DOCK6: variants seen among roughly 807,000 people sequenced by gnomAD.
DOCK6 encodes the protein dedicator of cytokinesis 6.
Under a neutral mutation model 230.3 loss-of-function variants are expected in DOCK6, and 167 were observed. The observed-to-expected ratio is 0.73, with a 90% CI of 0.64 to 0.82. The LOEUF (loss-of-function observed/expected upper bound fraction) is 0.82. Ranked by LOEUF, DOCK6 falls within the 40% of genes least tolerant of loss-of-function variation. The pLI, the probability that DOCK6 is intolerant of heterozygous loss-of-function variation, is 0.00. For synonymous variants in DOCK6, 1,148 were observed against 1,185.0 expected, an observed-to-expected ratio of 0.97 and a Z score of 0.64; for missense variants, 2,598 against 2,825.8, an observed-to-expected ratio of 0.92 and a Z score of 1.83.
chr19:11,212,053 T>C lies in DOCK6; in HGVS notation c.4590A>G (p.Lys1530=). The change falls in exon 36 of 48, where the codon AAA becomes AAG. Residue 1530 remains lysine (K), a synonymous_variant. Transcript: ENST00000294618. ...CCTCCTCAGCATAGGTGAGGATGGTTTTGAGTGAACGTCGCAGGTGCTCTT... is the reference window on the plus strand; with the variant it reads ...CCTCCTCAGCATAGGTGAGGATGGTCTTGAGTGAACGTCGCAGGTGCTCTT... The part of the protein sequence containing the change: ...FSEEHLRRSL[K]TILTYAEEDM... 1.2e-6 allele frequency: 2 copies of C among 1,611,006 alleles called. No homozygotes were observed. Among genetic ancestry groups the C allele is most frequent in the Non-Finnish European group, 1.7e-6 (2 of 1,179,032 alleles).
chr19:11,206,069 TA>T (rs2079255389), intron 39 of DOCK6: 1 of 152,144 alleles, frequency 6.6e-6, no homozygotes, highest in Admixed American at 6.5e-5. Context: ...CTCTCAAATG[TA>T]ACTGCCAGTT....
chr19:11,236,939 C>A lies in DOCK6; in HGVS notation c.2074-60G>T. 1 of 1,498,864 alleles carries A rather than the reference C, an allele frequency of 6.7e-7. No homozygotes were observed. 92.8% of individuals were successfully genotyped at this position (1,498,864 alleles called of 1,614,324 possible). ...GCCCTCCCTGACTGATCAGGTCACC[C>A]AGCGGCCCCAGCCATTGCGACACTG... is the stretch of plus-strand genomic sequence containing the variant. On this transcript the variant is annotated intron_variant, in intron 18 of 47. Transcript: ENST00000294618. The surrounding 1 kb of genome is among the most constrained non-coding windows in gnomAD (Gnocchi z 5.2).
chr19:11,248,246 G>T, intron 6 of DOCK6, 95 bp from the exon 7 acceptor site: 2 of 918,986 alleles, frequency 2.2e-6, no homozygotes, highest in East Asian at 2.7e-5. Flanking sequence ...CTCTACCCCA[G>T]CCTGACTAAC....
rs763073235 is a variant in DOCK6, at chr19:11,213,317, C to G, written c.4350G>C (p.Leu1450=). 1.8e-5 allele frequency: 29 copies of G among 1,611,302 alleles called. No individual in the cohort carries two copies. Among genetic ancestry groups the G allele is most frequent in the Middle Eastern group, 1.9e-4 (1 of 5,222 alleles). Reference sequence around the variant, plus strand: ...ACAGCTCCGTGTCCTCCTCGAACAGCAGCTCCGGGAACTGCCCCCAAGGAC... The same window carrying G: ...ACAGCTCCGTGTCCTCCTCGAACAGGAGCTCCGGGAACTGCCCCCAAGGAC... ...QRALVSKFPE[L]LFEEDTELCA... The change falls in exon 35 of 48, where the codon CTG becomes CTC. Residue 1450 remains leucine (L), a synonymous_variant. Coordinates refer to ENST00000294618, the MANE Select transcript of DOCK6 (RefSeq NM_020812.4).
At chr19:11,261,381 C>A (rs368671913) in intron 1 of DOCK6, among the ~76,000 whole-genome samples, 22 of 142,288 alleles carry the variant, frequency 1.5e-4, no homozygotes, top group East Asian at 1.4e-3. Flanking sequence ...CTTGTCCCTA[C>A]AGCACTTGTC....
chr19:11,237,033 T>A (rs1163245965), intron 18 of DOCK6, 154 bp from the exon 19 acceptor site: 2 of 713,554 alleles, frequency 2.8e-6, no homozygotes, highest in Non-Finnish European at 4.5e-6. Context: ...CCCAGTAGAC[T>A]GAGAGGGTCC....
chr19:11,207,296 T>A (rs1600852713), intron 39 of DOCK6, among the ~76,000 whole-genome samples: 1 of 152,054 alleles, frequency 6.6e-6, no homozygotes, highest in African/African-American at 2.4e-5. Flanking sequence ...TGGGCTCCAG[T>A]GATCCTCCCG....
chr19:11,260,882 C>CAAAAAAAAAAAA (rs59900669), intron 1 of DOCK6, among the ~76,000 whole-genome samples: 29,731 of 60,354 alleles, frequency 0.49, 8,793 homozygotes, highest in Non-Finnish European at 0.61. Context: ...GACTCTGTCT[C>CAAAAAAAAAAAA]AAAAAAAAAA....
In DOCK6 at chr19:11,202,846, G is replaced by T; in HGVS notation, c.5236-137C>A. On this transcript the variant is annotated intron_variant, in intron 41 of 47. Coordinates refer to ENST00000294618, the MANE Select transcript of DOCK6 (RefSeq NM_020812.4). The surrounding 1 kb of genome is among the most constrained non-coding windows in gnomAD (Gnocchi z 5.3). ...ATCAGGGCATGGGCACAGGCAGGGGGCCCTGAGAACATTGGGGCATGGATT... is the reference window on the plus strand; with the variant it reads ...ATCAGGGCATGGGCACAGGCAGGGGTCCCTGAGAACATTGGGGCATGGATT... 1 of 1,406,906 alleles carries T rather than the reference G, an allele frequency of 7.1e-7. No homozygotes were observed. The highest frequency in any genetic ancestry group is 9.8e-7 in the Non-Finnish European group (1 of 1,015,964). 87.2% of individuals were successfully genotyped at this position (1,406,906 alleles called of 1,614,324 possible).
At chr19:11,257,187 G>A (rs2080211205) in intron 1 of DOCK6, among the ~76,000 whole-genome samples, 1 of 150,838 alleles carries the variant, frequency 6.6e-6, no homozygotes. Flanking sequence ...TGTAGAAATG[G>A]GGTCTCACTA....
chr19:11,252,519 C>G lies in DOCK6; in HGVS notation c.340G>C (p.Glu114Gln), dbSNP rs1266125173. Residue 114 changes from glutamate (E) to glutamine (Q), a missense_variant, in exon 4 of 48, where the codon GAG (glutamate) becomes CAG (glutamine). Physicochemically the swap from Glu to Gln is conservative, Grantham distance 29 (BLOSUM62 2). Transcript: ENST00000294618. Reference sequence around the variant, plus strand: ...ATGACCCAGTCCTCAATATACATCTCCACCGCGGCCCTCACCTGGGCATCC... The same window carrying G: ...ATGACCCAGTCCTCAATATACATCTGCACCGCGGCCCTCACCTGGGCATCC... ...KLDAQVRAAV[E>Q]MYIEDWVIVH... The G allele has an allele frequency of 6.2e-7, 1 of 1,613,770 alleles. No individual in the cohort carries two copies. Among genetic ancestry groups the G allele is most frequent in the Non-Finnish European group, 8.5e-7 (1 of 1,179,902 alleles).
intron 14 of DOCK6, chr19:11,239,579 G>A (rs776430454): frequency 1.3e-6 from 2 of 1,595,870 alleles, no homozygotes; most frequent in Non-Finnish European, 1.7e-6. Context: ...GATCAGTGGG[G>A]GTATGAGGCA....
chr19:11,247,304 G>T (rs1456519359), intron 7 of DOCK6: 1 of 151,964 alleles, frequency 6.6e-6, no homozygotes, highest in East Asian at 1.9e-4. Flanking sequence ...ATGTTGGCCA[G>T]GCTGGTCTCA....
At chr19:11,262,345 G>A in intron 1 of DOCK6, 52 bp downstream of exon 1, 1 of 1,200,728 alleles carries the variant, frequency 8.3e-7, no homozygotes. Context: ...CCGCCCCGGG[G>A]CGGAGCCGGG....
chr19:11,241,570 G>A (rs1359555550), intron 14 of DOCK6: 2 of 1,554,472 alleles, frequency 1.3e-6, no homozygotes, highest in East Asian at 4.9e-5. Context: ...CCTGGCAGGG[G>A]TTTGGCAGGC....
At chr19:11,226,620 C>T (rs1342357206) in intron 24 of DOCK6, among the ~76,000 whole-genome samples, 5 of 151,918 alleles carry the variant, frequency 3.3e-5, no homozygotes, top group African/African-American at 9.7e-5. Flanking sequence ...ATTGCGCCAT[C>T]GCACTCCAGC....
At chr19:11,227,563 G>A in intron 23 of DOCK6, 86 bp from the exon 24 acceptor site, 1 of 1,477,128 alleles carries the variant, frequency 6.8e-7, no homozygotes, top group East Asian at 2.5e-5. Flanking sequence ...TTGAAGGGCT[G>A]TGGGTGGGGC....
At chr19:11,221,271 A>G (rs1448271199) in intron 28 of DOCK6, 1 of 155,568 alleles carries the variant, frequency 6.4e-6, no homozygotes, top group Non-Finnish European at 1.4e-5. Context: ...AGAACAGGAC[A>G]TAACAGATGT....
chr19:11,204,017 T>G, intron 41 of DOCK6, 64 bp downstream of exon 41: 3 of 1,547,144 alleles, frequency 1.9e-6, no homozygotes, highest in Non-Finnish European at 2.6e-6. Context: ...TGTTCACTGA[T>G]GGCTGCTGGC....
Sources: gnomAD v4.1 joint callset for allele counts (sites outside exome capture counted in the v4.1 genomes callset) on GRCh38, gnomAD v4.1.1 for gene constraint, Gnocchi (gnomAD v3.1) non-coding constraint, MANE v1.5 for transcripts, NCBI Gene and HGNC (gene_info 2026-07-23, HGNC 2026-07-21) for gene names.